MED12L: variants seen among roughly 807,000 people sequenced by gnomAD.
MED12L encodes mediator complex subunit 12L, also known as mediator of RNA polymerase II transcription subunit 12-like protein.
MED12L carries 60 observed loss-of-function variants against 281.3 expected under a neutral mutation model. The observed-to-expected ratio is 0.21, with a 90% confidence interval of 0.17 to 0.26. The LOEUF is 0.26. Among genes scored for constraint, MED12L ranks in the 10% least tolerant of loss-of-function variants. The probability of loss-of-function intolerance (pLI) is 1.00; values close to 1 mark genes in which losing one functional copy is unlikely to be tolerated. For missense variants in MED12L, 2,146 were observed against 2,680.9 expected, an observed-to-expected ratio of 0.80 and a Z score of 4.41; for synonymous variants, 974 against 987.2, an observed-to-expected ratio of 0.99 and a Z score of 0.25.
intron 12 of MED12L, 135 bp from the exon 13 acceptor site, chr3:151,188,219 A>C (rs1723523176): frequency 3.3e-6 from 2 of 601,030 alleles, no homozygotes; most frequent in African/African-American, 3.7e-5. Context: ...ATGGTCCCTT[A>C]AATAAGTACA....
chr3:151,309,541 T>C lies in MED12L; in HGVS notation c.2251-40518T>C, dbSNP rs139836637. Among the ~76,000 whole-genome samples the C allele has an allele frequency of 7.8e-4, 119 of 152,276 alleles. 1 individual carries two copies. In the East Asian group the frequency reaches 0.021, roughly 27 times the overall value. On this transcript the variant is annotated intron_variant, in intron 16 of 44. Coordinates refer to ENST00000687756, the MANE Select transcript of MED12L (RefSeq NM_001393769.1). The stretch of plus-strand genomic sequence containing the variant: ...CAGACCCTCCTTACCTTGCATTTTA[T>C]CCTGAAAATCCCTTCTGCCTCTTAT...
chr3:151,243,603 G>T (rs1734715154), intron 16 of MED12L, among the ~76,000 whole-genome samples: 1 of 150,752 alleles, frequency 6.6e-6, no homozygotes, highest in South Asian at 2.1e-4. Flanking sequence ...CCCTAAAAGA[G>T]CTCCTGAAGG....
intron 16 of MED12L, among the ~76,000 whole-genome samples, chr3:151,224,035 A>G (rs533538391): frequency 1.9e-4 from 29 of 152,352 alleles, no homozygotes; most frequent in East Asian, 1.5e-3. Context: ...ATTACTGCCT[A>G]TTAACACTGG....
chr3:151,105,424 G>A (rs1478726234), intron 2 of MED12L, among the ~76,000 whole-genome samples: 2 of 151,966 alleles, frequency 1.3e-5, no homozygotes, highest in Non-Finnish European at 2.9e-5. Flanking sequence ...GTCTGGTTCT[G>A]CCCTCATCTT....
intron 16 of MED12L, chr3:151,316,532 T>C (rs1310720199): frequency 2.0e-5 from 3 of 152,200 alleles, no homozygotes; most frequent in Non-Finnish European, 2.9e-5. Flanking sequence ...TTTTTAATCA[T>C]TGCTGTGTCT....
At chr3:151,341,797 A>C (rs999307929) in intron 16 of MED12L, among the ~76,000 whole-genome samples, 5 of 143,330 alleles carry the variant, frequency 3.5e-5, no homozygotes, top group African/African-American at 1.3e-4. Flanking sequence ...CTCATTGTTC[A>C]GTTCCCACCT....
At chr3:151,193,750 A>G (rs1724278535) in intron 16 of MED12L, 84 bp downstream of exon 16, 2 of 1,195,926 alleles carry the variant, frequency 1.7e-6, no homozygotes, top group African/African-American at 1.5e-5. Flanking sequence ...ATTCAACTGT[A>G]TTCTTGACTA....
At chr3:151,088,112 G>A (rs1372542897) in intron 2 of MED12L, among the ~76,000 whole-genome samples, 1 of 152,204 alleles carries the variant, frequency 6.6e-6, no homozygotes, top group Non-Finnish European at 1.5e-5. Context: ...CTTTTGATAA[G>A]TGTATCTTTC....
At chr3:151,351,960 CT>C (rs1051811181) in intron 17 of MED12L, among the ~76,000 whole-genome samples, 1 of 152,126 alleles carries the variant, frequency 6.6e-6, no homozygotes, top group African/African-American at 2.4e-5. Context: ...TCTGTGCTGC[CT>C]TTTGAGAAAC....
chr3:151,254,475 G>T (rs761874114), intron 16 of MED12L, among the ~76,000 whole-genome samples: 2 of 152,116 alleles, frequency 1.3e-5, no homozygotes, highest in South Asian at 2.1e-4. Flanking sequence ...CTGCCCATTT[G>T]CCCATTTTCC....
intron 16 of MED12L, among the ~76,000 whole-genome samples, chr3:151,251,732 C>T (rs1736896209): frequency 6.6e-6 from 1 of 152,174 alleles, no homozygotes; most frequent in Non-Finnish European, 1.5e-5. Context: ...AAGATCTTTC[C>T]TCTGCCTAGA....
At chr3:151,322,169 A>G (rs1054933692) in intron 16 of MED12L, among the ~76,000 whole-genome samples, 2 of 152,100 alleles carry the variant, frequency 1.3e-5, no homozygotes, top group African/African-American at 4.8e-5. Flanking sequence ...CCTAACTAAT[A>G]TAAAAGCTGA....
intron 16 of MED12L, among the ~76,000 whole-genome samples, chr3:151,280,305 A>G (rs1020864631): frequency 2.6e-5 from 4 of 152,194 alleles, no homozygotes; most frequent in African/African-American, 9.7e-5. Context: ...TGTCTTCAGA[A>G]CATTAAACGC....
chr3:151,348,919 A>G (rs1053080676), intron 16 of MED12L, among the ~76,000 whole-genome samples: 1 of 152,218 alleles, frequency 6.6e-6, no homozygotes, highest in African/African-American at 2.4e-5. Flanking sequence ...TGCCACTGCT[A>G]ATTAGGAACA....
chr3:151,368,365 C>G (rs1755543789), intron 25 of MED12L, 114 bp downstream of exon 25: 3 of 834,008 alleles, frequency 3.6e-6, no homozygotes, highest in Admixed American at 4.1e-5. Context: ...TGGGCATGCC[C>G]TGGGGGTGAT....
At chr3:151,359,982 T>C (rs1754409154) in intron 20 of MED12L, among the ~76,000 whole-genome samples, 1 of 152,168 alleles carries the variant, frequency 6.6e-6, no homozygotes, top group South Asian at 2.1e-4. Context: ...CATAGGGGAA[T>C]GTATACATGC....
intron 12 of MED12L, among the ~76,000 whole-genome samples, chr3:151,186,490 C>T (rs1319613749): frequency 3.3e-5 from 5 of 152,208 alleles, no homozygotes; most frequent in African/African-American, 4.8e-5. Flanking sequence ...CCCAGGGTCA[C>T]AGCTCCATTC....
At chr3:151,159,683 G>T in intron 7 of MED12L, 149 bp from the exon 8 acceptor site, 3 of 668,460 alleles carry the variant, frequency 4.5e-6, no homozygotes, top group South Asian at 3.1e-5. Context: ...TATACGTGTG[G>T]CTCACATTCT....
At chr3:151,240,242 C>T (rs572478970) in intron 16 of MED12L, among the ~76,000 whole-genome samples, 13 of 152,292 alleles carry the variant, frequency 8.5e-5, no homozygotes, top group East Asian at 7.7e-4. Flanking sequence ...ACTGACACGA[C>T]GCCCAGTTTT....
Sources: allele counts gnomAD v4.1 joint callset (sites outside exome capture counted in the v4.1 genomes callset), GRCh38; gene constraint gnomAD v4.1.1; transcripts MANE v1.5; gene names NCBI Gene and HGNC (gene_info 2026-07-23, HGNC 2026-07-21).